ZNF423: variants seen among roughly 807,000 people sequenced by gnomAD.
The protein encoded by ZNF423 is zinc finger protein 423, also known as Ebf-associated zinc finger protein.
Under a neutral mutation model 95.8 loss-of-function variants are expected in ZNF423, and 12 were observed. That is an observed-to-expected ratio of 0.13 (90% CI 0.08 to 0.20). The LOEUF (loss-of-function observed/expected upper bound fraction) is 0.20. Ranked by LOEUF, ZNF423 falls within the 10% of genes least tolerant of loss-of-function variation. ZNF423 has a pLI of 1.00. For synonymous variants in ZNF423, 749 were observed against 711.9 expected (o/e 1.05, Z -0.83); for missense variants, 1,316 against 1,737.1 (o/e 0.76, Z 4.31).
intron 5 of ZNF423, among the ~76,000 whole-genome samples, chr16:49,610,396 AG>A (rs1430500401): frequency 6.6e-6 from 1 of 152,156 alleles, no homozygotes; most frequent in East Asian, 1.9e-4. Flanking sequence ...AGTCATAAGT[AG>A]GGAAGAGTAA....
At chr16:49,670,999 G>C (rs1190803874) in intron 3 of ZNF423, among the ~76,000 whole-genome samples, 1 of 152,188 alleles carries the variant, frequency 6.6e-6, no homozygotes, top group Non-Finnish European at 1.5e-5. Flanking sequence ...TGTCTTATTG[G>C]GGAGTAAAAG....
intron 2 of ZNF423, among the ~76,000 whole-genome samples, chr16:49,756,047 A>G (rs371250756): frequency 1.3e-5 from 2 of 152,226 alleles, no homozygotes; most frequent in Non-Finnish European, 1.5e-5. Context: ...GCTGAGTCCA[A>G]GGTTCAGGTA....
chr16:49,632,564 G>A (rs1358217310), intron 4 of ZNF423, among the ~76,000 whole-genome samples: 1 of 152,150 alleles, frequency 6.6e-6, no homozygotes, highest in African/African-American at 2.4e-5. Flanking sequence ...AAGGCAGGGA[G>A]AGGAAGGCCT....
chr16:49,500,351 C>T (rs1045569296), intron 7 of ZNF423, among the ~76,000 whole-genome samples: 4 of 152,122 alleles, frequency 2.6e-5, no homozygotes, highest in Non-Finnish European at 5.9e-5. Context: ...GCCTTTGGCC[C>T]CCTCCTGGGT....
chr16:49,556,804 C>T (rs1216049463), intron 5 of ZNF423, among the ~76,000 whole-genome samples: 1 of 152,234 alleles, frequency 6.6e-6, no homozygotes. Context: ...TTTATAGTAA[C>T]ATTTAAACTA....
intron 2 of ZNF423, among the ~76,000 whole-genome samples, chr16:49,787,689 G>T (rs534197580): frequency 1.3e-5 from 2 of 152,106 alleles, no homozygotes; most frequent in African/African-American, 4.8e-5. Context: ...TGCAGCTGGG[G>T]TGCTTGACAC....
intron 1 of ZNF423, among the ~76,000 whole-genome samples, chr16:49,818,275 G>A (rs1039695182): frequency 1.3e-5 from 2 of 152,062 alleles, no homozygotes; most frequent in East Asian, 1.9e-4. Context: ...ATGCCCGGGC[G>A]CCCACAGAGA....
intron 3 of ZNF423, among the ~76,000 whole-genome samples, chr16:49,645,537 A>G (rs751331550): frequency 4.6e-5 from 7 of 152,226 alleles, no homozygotes; most frequent in African/African-American, 7.2e-5. Flanking sequence ...CTGACTCCCA[A>G]TGCTAGATGC....
At chr16:49,734,390 G>A (rs1474571107) in intron 2 of ZNF423, among the ~76,000 whole-genome samples, 1 of 152,202 alleles carries the variant, frequency 6.6e-6, no homozygotes, top group Non-Finnish European at 1.5e-5. Context: ...ACAAGCGCTG[G>A]CTCATTTCAA....
At chr16:49,823,681 CA>C (rs1389101331) in intron 1 of ZNF423, among the ~76,000 whole-genome samples, 18 of 152,186 alleles carry the variant, frequency 1.2e-4, no homozygotes, top group Admixed American at 7.8e-4. Context: ...GCAGAGGAGA[CA>C]GTAAGAGGAA....
At position 49,638,315 on chromosome 16, in the gene ZNF423, C is replaced by A. The variant is rs1228370401; in HGVS notation, c.861G>T (p.Glu287Asp). 1 of 1,613,904 alleles carries A rather than the reference C, an allele frequency of 6.2e-7. No individual in the cohort carries two copies. Among genetic ancestry groups the A allele is most frequent in the East Asian group, 2.2e-5 (1 of 44,884 alleles). Residue 287 changes from glutamate (E) to aspartate (D), a missense_variant, in exon 4 of 8, where the codon GAG (glutamate) becomes GAT (aspartate). Glu to Asp is a conservative substitution (Grantham distance 45). Transcript: ENST00000563137. This position sits in a 1 kb window ranked among gnomAD's most constrained non-coding sequence, Gnocchi z 5.6. ...GCGGGTGGCGGGTGAGCACGTGCTT[C>A]TCCAGCTCCTCCGTCTGGCTGAAGG... ...EDTFSQTEEL[E>D]KHVLTRHPQL... is the part of the protein sequence containing the mutation.
At chr16:49,764,611 G>A (rs2033893840) in intron 2 of ZNF423, 1 of 152,016 alleles carries the variant, frequency 6.6e-6, no homozygotes, top group Non-Finnish European at 1.5e-5. Context: ...ACCAGCAACA[G>A]GGGAAAGCTA....
intron 1 of ZNF423, among the ~76,000 whole-genome samples, chr16:49,799,142 AC>A (rs2034543118): frequency 6.6e-6 from 1 of 152,010 alleles, no homozygotes; most frequent in Admixed American, 6.6e-5. Context: ...CAGGCCAGAG[AC>A]TCGATCCACC....
intron 7 of ZNF423, among the ~76,000 whole-genome samples, chr16:49,516,204 C>A (rs1968137110): frequency 6.6e-6 from 1 of 152,196 alleles, no homozygotes; most frequent in Non-Finnish European, 1.5e-5. Context: ...GCACCTGGCT[C>A]CTCCCAATGC....
At position 49,489,288 on chromosome 16, in the gene ZNF423, C is replaced by A. The variant is rs1966887875; in HGVS notation, c.*1987G>T. On this transcript the variant is annotated 3_prime_UTR_variant, in exon 8 of 8. Coordinates refer to ENST00000563137, the MANE Select transcript of ZNF423 (RefSeq NM_001379286.1). ...TCCCAGCACTGCCCAAAAGGTAGGC[C>A]TGGCTGTGGATGTGTGGCAGCCTCA... is the stretch of plus-strand genomic sequence containing the variant. 1 of 152,314 alleles carries A rather than the reference C, an allele frequency of 6.6e-6. No homozygotes were observed. Among genetic ancestry groups the A allele is most frequent in the Non-Finnish European group, 1.5e-5 (1 of 68,140 alleles). The allele number at this position is 152,314 out of a possible 1,614,324, so 9.4% of individuals were successfully genotyped here.
chr16:49,503,387 A>C (rs946676896), intron 7 of ZNF423, among the ~76,000 whole-genome samples: 1 of 151,934 alleles, frequency 6.6e-6, no homozygotes, highest in Non-Finnish European at 1.5e-5. Flanking sequence ...ACACATCCGG[A>C]CTCTGACCAC....
intron 3 of ZNF423, among the ~76,000 whole-genome samples, chr16:49,705,750 G>A (rs1321729443): frequency 6.6e-6 from 1 of 151,864 alleles, no homozygotes; most frequent in Non-Finnish European, 1.5e-5. Context: ...GTTTCGCCAT[G>A]TTGGCTGGGC....
intron 4 of ZNF423, among the ~76,000 whole-genome samples, chr16:49,631,196 G>T (rs776863076): frequency 6.6e-6 from 1 of 151,974 alleles, no homozygotes; most frequent in Non-Finnish European, 1.5e-5. Flanking sequence ...TCCCAAATAC[G>T]CCCACAGACA....
Position 49,492,487 on chromosome 16 carries a change from C to A in ZNF423, c.3850-1183G>T, listed in dbSNP as rs1276974617. 6.6e-6 allele frequency among the ~76,000 whole-genome samples: 1 copy of A among 151,900 alleles called. No homozygotes were observed. Among genetic ancestry groups the A allele is most frequent in the Non-Finnish European group, 1.5e-5 (1 of 67,784 alleles). On this transcript the variant is annotated intron_variant, in intron 7 of 7. Transcript: ENST00000563137. The surrounding 1 kb of genome is among the most constrained non-coding windows in gnomAD (Gnocchi z 4.2). ...CCGGAGGCCGAGGCCGGGGCCGGGG[C>A]CGGGGCCGGGGCCGAGACGGGCCAC...
Sources: allele counts gnomAD v4.1 joint callset (sites outside exome capture counted in the v4.1 genomes callset), GRCh38; gene constraint gnomAD v4.1.1; non-coding constraint Gnocchi (gnomAD v3.1); transcripts MANE v1.5; gene names NCBI Gene and HGNC (gene_info 2026-07-23, HGNC 2026-07-21).